The following SPNS2 variants were observed in gnomAD, a reference collection of about 807,000 sequenced individuals.
SPNS2 encodes the protein SPNS lysolipid transporter 2, sphingosine-1-phosphate.
Under a neutral mutation model 57.6 loss-of-function variants are expected in SPNS2, and 37 were observed. The ratio of observed to expected loss-of-function variants is 0.64; its 90% CI spans 0.49 to 0.85. SPNS2 has a LOEUF of 0.85. Ranked by LOEUF, SPNS2 falls within the 40% of genes least tolerant of loss-of-function variation. SPNS2 has a pLI of 0.00. For missense variants in SPNS2, 831 were observed against 779.1 expected (o/e 1.07, Z -0.79); for synonymous variants, 440 against 346.9 (o/e 1.27, Z -2.98).
At chr17:4,523,494 A>G (rs1452992792) in intron 2 of SPNS2, among the ~76,000 whole-genome samples, 2 of 149,028 alleles carry the variant, frequency 1.3e-5, no homozygotes, top group Non-Finnish European at 3.0e-5. Context: ...TCAGCCAGGC[A>G]CGGTGGCTCA....
At chr17:4,516,145 C>G (rs1904978587) in intron 2 of SPNS2, among the ~76,000 whole-genome samples, 1 of 152,076 alleles carries the variant, frequency 6.6e-6, no homozygotes, top group African/African-American at 2.4e-5. Context: ...GAAACCCCAT[C>G]TCTACTAAAA....
Position 4,499,560 on chromosome 17 carries a change from A to T in SPNS2, c.370+143A>T, listed in dbSNP as rs1597356111. 9 of 485,762 alleles carry T rather than the reference A, an allele frequency of 1.9e-5. 1 individual carries two copies. In the East Asian group the frequency reaches 3.2e-4, roughly 17 times the overall value. 30.1% of individuals were successfully genotyped at this position (485,762 alleles called of 1,614,324 possible). A position where few individuals can be genotyped will look rare whatever the true frequency, so the allele number is the denominator to read the frequency against. On this transcript the variant is annotated intron_variant, in intron 1 of 12. Coordinates refer to ENST00000329078, the MANE Select transcript of SPNS2 (RefSeq NM_001124758.3). This position sits in a 1 kb window ranked among gnomAD's most constrained non-coding sequence, Gnocchi z 5.2. Reference sequence around the variant, plus strand: ...TGAGGTCCCTACGGACCCTCTGCTCAGGCACAACTGGGCAAGGGATGCCTC... The same window carrying T: ...TGAGGTCCCTACGGACCCTCTGCTCTGGCACAACTGGGCAAGGGATGCCTC...
chr17:4,536,533 A>G, intron 11 of SPNS2, 107 bp downstream of exon 11: 3 of 1,321,696 alleles, frequency 2.3e-6, no homozygotes, highest in Non-Finnish European at 3.1e-6. Flanking sequence ...CAGACCTCCC[A>G]TGCACTCAGT....
At position 4,512,652 on chromosome 17, in the gene SPNS2, G is replaced by A. The variant is rs536810187; in HGVS notation, c.371-595G>A. On this transcript the variant is annotated intron_variant, in intron 1 of 12. Transcript: ENST00000329078. This position sits in a 1 kb window ranked among gnomAD's most constrained non-coding sequence, Gnocchi z 5.2. ...TGACAGTGTGTGTGTGTGCGTGCGC[G>A]CGCACGGGTATGTGTGTGCGCGCGT... Among the ~76,000 whole-genome samples the A allele has an allele frequency of 1.1e-3, 160 of 151,936 alleles. No homozygotes were observed. The highest frequency in any genetic ancestry group is 3.4e-3 in the African/African-American group (142 of 41,466).
intron 9 of SPNS2, among the ~76,000 whole-genome samples, chr17:4,535,158 T>C (rs1905715121): frequency 6.6e-6 from 1 of 152,164 alleles, no homozygotes; most frequent in African/African-American, 2.4e-5. Context: ...TGGCTGTGCC[T>C]GTCCCGCCCC....
At chr17:4,535,962 A>G in intron 9 of SPNS2, 114 bp from the exon 10 acceptor site, 1 of 800,390 alleles carries the variant, frequency 1.2e-6, no homozygotes, top group South Asian at 1.7e-5. Context: ...GTCAAGACGT[A>G]GGGCAGGAGT....
At chr17:4,536,205 GC>G (rs1567597732) in intron 10 of SPNS2, 31 bp downstream of exon 10, 2 of 1,608,376 alleles carry the variant, frequency 1.2e-6, no homozygotes, top group South Asian at 2.2e-5. Context: ...GCTGGCCAGG[GC>G]AGGCTGGGGG....
At chr17:4,531,141 A>C (rs184279909) in intron 5 of SPNS2, 22 bp downstream of exon 5, 3 of 1,612,556 alleles carry the variant, frequency 1.9e-6, no homozygotes, top group South Asian at 1.1e-5. Flanking sequence ...GTCCCTTCCC[A>C]TGAGGACACC....
Position 4,532,845 on chromosome 17 carries a change from C to G in SPNS2, c.936-132C>G, listed in dbSNP as rs1905555952. On this transcript the variant is annotated intron_variant, in intron 6 of 12. Coordinates refer to ENST00000329078, the MANE Select transcript of SPNS2 (RefSeq NM_001124758.3). ...TTGGCCCCAGAATCGATTATTCCTG[C>G]AGCCTGAACCCTCACCCCTGGAGCC... is the stretch of plus-strand genomic sequence containing the variant. 3.4e-6 allele frequency: 5 copies of G among 1,458,210 alleles called. No individual in the cohort carries two copies. In the Admixed American group the frequency reaches 6.2e-5, roughly 18 times the overall value. The allele number at this position is 1,458,210 out of a possible 1,614,324, so 90.3% of individuals were successfully genotyped here.
chr17:4,509,290 C>G (rs1183935804), intron 1 of SPNS2, among the ~76,000 whole-genome samples: 1 of 152,158 alleles, frequency 6.6e-6, no homozygotes, highest in Non-Finnish European at 1.5e-5. Flanking sequence ...CTCCAGAGTT[C>G]TTAGCCAAGT....
At chr17:4,528,942 CTT>C (rs569324524) in intron 3 of SPNS2, among the ~76,000 whole-genome samples, 2 of 144,078 alleles carry the variant, frequency 1.4e-5, no homozygotes, top group Admixed American at 6.9e-5. Flanking sequence ...TTTATCTTTT[CTT>C]TTTTTTTTTT....
intron 2 of SPNS2, among the ~76,000 whole-genome samples, chr17:4,520,568 C>T (rs1905114600): frequency 6.6e-6 from 1 of 152,152 alleles, no homozygotes; most frequent in Admixed American, 6.5e-5. Context: ...TAGCCCAGTC[C>T]TCCCTCCACA....
intron 5 of SPNS2, among the ~76,000 whole-genome samples, chr17:4,532,119 C>A (rs1464967422): frequency 6.6e-6 from 1 of 151,998 alleles, no homozygotes; most frequent in African/African-American, 2.4e-5. Flanking sequence ...ATCCACCATC[C>A]GTCCGTCTAT....
At chr17:4,536,664 T>C (rs1905829059) in intron 11 of SPNS2, 1 of 663,452 alleles carries the variant, frequency 1.5e-6, no homozygotes, top group Non-Finnish European at 2.5e-6. Flanking sequence ...ACTTAGTGGT[T>C]TTCAAAGCTG....
intron 6 of SPNS2, 108 bp from the exon 7 acceptor site, chr17:4,532,869 C>T: frequency 6.7e-7 from 1 of 1,495,088 alleles, no homozygotes; most frequent in East Asian, 2.3e-5. Context: ...ACCCCTGGAG[C>T]CTGTAAGACG....
chr17:4,520,827 C>T (rs971853285), intron 2 of SPNS2, among the ~76,000 whole-genome samples: 27 of 152,234 alleles, frequency 1.8e-4, no homozygotes, highest in Admixed American at 1.8e-3. Context: ...TCCATTGTCT[C>T]CTCTGTAAAA....
In SPNS2 at chr17:4,510,622, G is replaced by A. The variant is rs561596498; in HGVS notation, c.371-2625G>A. ...CCCAGAAATGGAACCTGCAGTTACT[G>A]CAGACCCGTGTCCCTCCTCTGGACT... On this transcript the variant is annotated intron_variant, in intron 1 of 12. Transcript: ENST00000329078. This position sits in a 1 kb window ranked among gnomAD's most constrained non-coding sequence, Gnocchi z 4.4. Among the ~76,000 whole-genome samples the A allele has an allele frequency of 1.3e-5, 2 of 152,286 alleles. No homozygotes were observed. Among genetic ancestry groups the A allele is most frequent in the South Asian group, 4.1e-4 (2 of 4,824 alleles).
At chr17:4,535,116 G>C (rs1358349893) in intron 9 of SPNS2, among the ~76,000 whole-genome samples, 1 of 152,134 alleles carries the variant, frequency 6.6e-6, no homozygotes, top group Non-Finnish European at 1.5e-5. Context: ...CTGGAGCTCG[G>C]GGAACAGGGG....
chr17:4,521,675 A>T (rs1905141298), intron 2 of SPNS2, among the ~76,000 whole-genome samples: 1 of 152,274 alleles, frequency 6.6e-6, no homozygotes. Flanking sequence ...ATATCGGCTT[A>T]CAATTAAATA....
Sources: allele counts gnomAD v4.1 joint callset (sites outside exome capture counted in the v4.1 genomes callset), GRCh38; gene constraint gnomAD v4.1.1; non-coding constraint Gnocchi (gnomAD v3.1); transcripts MANE v1.5; gene names NCBI Gene and HGNC (gene_info 2026-07-23, HGNC 2026-07-21).